Variants in VAC14 observed in about 807,000 individuals in gnomAD.
VAC14 encodes VAC14 component of PIKFYVE complex, also known as protein VAC14 homolog.
Under a neutral mutation model 85.3 loss-of-function variants are expected in VAC14, and 47 were observed. The observed-to-expected ratio is 0.55, with a 90% CI of 0.44 to 0.70. The LOEUF (loss-of-function observed/expected upper bound fraction) is 0.70. Ranked by LOEUF, VAC14 falls within the 30% of genes least tolerant of loss-of-function variation. The pLI, the probability that VAC14 is intolerant of heterozygous loss-of-function variation, is 0.00. For missense variants in VAC14, 861 were observed against 1,004.3 expected (o/e 0.86, Z 1.93); for synonymous variants, 447 against 430.5 (o/e 1.04, Z -0.47).
At chr16:70,713,709 G>T (rs79015637) in intron 14 of VAC14, among the ~76,000 whole-genome samples, 12,875 of 133,692 alleles carry the variant, frequency 0.096, 431 homozygotes, top group Middle Eastern at 0.13. Context: ...CTTTGTTTTT[G>T]TTTTTTTTTT....
intron 14 of VAC14, among the ~76,000 whole-genome samples, chr16:70,724,377 C>A (rs1023616375): frequency 1.3e-5 from 2 of 152,186 alleles, no homozygotes; most frequent in African/African-American, 4.8e-5. Flanking sequence ...TCCGATGGTT[C>A]TGTGAGGTGC....
intron 14 of VAC14, among the ~76,000 whole-genome samples, chr16:70,726,151 CCTTTCTA>C (rs2054421991): frequency 6.6e-6 from 1 of 152,252 alleles, no homozygotes; most frequent in Non-Finnish European, 1.5e-5. Context: ...TCCCTCCTCT[CCTTTCTA>C]CTGAGGATAA....
intron 1 of VAC14, among the ~76,000 whole-genome samples, chr16:70,792,351 A>G (rs2034377459): frequency 6.6e-6 from 1 of 152,198 alleles, no homozygotes; most frequent in South Asian, 2.1e-4. Flanking sequence ...TTTTGAAGTT[A>G]GTATCTGGCC....
chr16:70,693,953 G>A (rs1217540125), intron 17 of VAC14, among the ~76,000 whole-genome samples: 1 of 152,170 alleles, frequency 6.6e-6, no homozygotes, highest in Non-Finnish European at 1.5e-5. Context: ...GCCTGCTGGC[G>A]CCCTCCAGAA....
intron 14 of VAC14, among the ~76,000 whole-genome samples, chr16:70,730,594 C>CTTTTTTT (rs34654239): frequency 9.4e-6 from 1 of 106,546 alleles, no homozygotes; most frequent in Non-Finnish European, 1.8e-5. Flanking sequence ...GAGGCCCAGG[C>CTTTTTTT]TTTTTTTTTT....
chr16:70,702,860 C>G (rs1387161232), intron 14 of VAC14, among the ~76,000 whole-genome samples: 1 of 152,194 alleles, frequency 6.6e-6, no homozygotes, highest in Non-Finnish European at 1.5e-5. Flanking sequence ...GCACCTGGCA[C>G]TGGGCTCTGG....
At chr16:70,727,622 G>A (rs555916316) in intron 14 of VAC14, among the ~76,000 whole-genome samples, 38 of 152,354 alleles carry the variant, frequency 2.5e-4, no homozygotes, top group African/African-American at 9.1e-4. Context: ...ACAGGCATGA[G>A]CCACTGCACC....
chr16:70,692,797 CA>C, intron 18 of VAC14, 23 bp downstream of exon 18: 1 of 1,587,390 alleles, frequency 6.3e-7, no homozygotes, highest in African/African-American at 1.3e-5. Context: ...GGGGCGGGGG[CA>C]GCAGTCCCCA....
intron 13 of VAC14, among the ~76,000 whole-genome samples, chr16:70,732,048 A>G (rs916037994): frequency 3.4e-4 from 52 of 152,204 alleles, no homozygotes; most frequent in Admixed American, 3.3e-3. Context: ...AGGACAAACA[A>G]GAAGTCAAAG....
At chr16:70,721,965 G>C (rs2054305020) in intron 14 of VAC14, among the ~76,000 whole-genome samples, 1 of 152,164 alleles carries the variant, frequency 6.6e-6, no homozygotes. Context: ...GGGCACCTCA[G>C]CTCTGGGGTC....
chr16:70,713,081 A>G (rs1224621232), intron 14 of VAC14, among the ~76,000 whole-genome samples: 1 of 152,226 alleles, frequency 6.6e-6, no homozygotes, highest in Admixed American at 6.5e-5. Flanking sequence ...CGTATGTTTC[A>G]TCTAAAACCA....
At chr16:70,688,439 C>T in intron 18 of VAC14, 1 of 1,004,884 alleles carries the variant, frequency 1.0e-6, no homozygotes, top group Non-Finnish European at 1.2e-6. Flanking sequence ...GCCAGGAAGC[C>T]AGCTGGGGCC....
intron 12 of VAC14, among the ~76,000 whole-genome samples, chr16:70,753,011 GGTGTGTGTGT>G (rs372860764): frequency 4.9e-5 from 7 of 142,982 alleles, no homozygotes; most frequent in African/African-American, 1.6e-4. Context: ...AGGAGGAGGG[GGTGTGTGTGT>G]GTGTGTGTGT....
intron 14 of VAC14, among the ~76,000 whole-genome samples, chr16:70,710,334 C>G (rs566776301): frequency 1.4e-3 from 220 of 152,376 alleles, no homozygotes; most frequent in Non-Finnish European, 2.5e-3. Flanking sequence ...CCCCTTCACC[C>G]TGTGGCATGT....
At position 70,780,820 on chromosome 16, in the gene VAC14, C is replaced by A; in HGVS notation, c.1066G>T (p.Ala356Ser). 6.2e-7 allele frequency: 1 copy of A among 1,609,328 alleles called. No individual in the cohort carries two copies. The highest frequency in any genetic ancestry group is 8.5e-7 in the Non-Finnish European group (1 of 1,176,864). ...QRQAEPTPDD[A>S]LPKQEGTASG... is the part of the protein sequence containing the mutation. ...GCTGTGCCCTCCTGCTTTGGCAGGGCATCGTCAGGGGTGGGCTCTGCCTGC... is the reference window on the plus strand; with the variant it reads ...GCTGTGCCCTCCTGCTTTGGCAGGGAATCGTCAGGGGTGGGCTCTGCCTGC... The change falls in exon 9 of 19, where the codon GCC (alanine) becomes TCC (serine). Residue 356 changes from alanine (A) to serine (S), a missense_variant. By Grantham distance (99) the Ala-to-Ser change is moderately conservative. Around this residue, in one of 3 missense-constraint regions of VAC14, gnomAD observed 629 missense variants for 703.1 expected, o/e 0.89. Coordinates refer to ENST00000261776, the MANE Select transcript of VAC14 (RefSeq NM_018052.5).
chr16:70,751,024 G>A (rs1455349625), intron 12 of VAC14, among the ~76,000 whole-genome samples: 1 of 152,138 alleles, frequency 6.6e-6, no homozygotes, highest in African/African-American at 2.4e-5. Flanking sequence ...ATAAATACTT[G>A]CTGACCTGCA....
At chr16:70,742,138 TC>T (rs1488495102) in intron 13 of VAC14, among the ~76,000 whole-genome samples, 2 of 152,194 alleles carry the variant, frequency 1.3e-5, no homozygotes, top group Admixed American at 6.5e-5. Flanking sequence ...CCTGGCCCTG[TC>T]ACAAGGCTGT....
intron 14 of VAC14, among the ~76,000 whole-genome samples, chr16:70,718,253 C>A (rs948203283): frequency 1.1e-4 from 17 of 152,204 alleles, no homozygotes; most frequent in Admixed American, 3.9e-4. Flanking sequence ...TAGTGATGAT[C>A]CCCGTCTGCA....
chr16:70,793,446 A>AGG (rs1260651606), intron 1 of VAC14, among the ~76,000 whole-genome samples: 2 of 152,248 alleles, frequency 1.3e-5, no homozygotes, highest in Non-Finnish European at 1.5e-5. Flanking sequence ...AAGTCATGCA[A>AGG]GTTGTAGATG....
Sources: gnomAD v4.1 joint callset for allele counts (sites outside exome capture counted in the v4.1 genomes callset) on GRCh38, gnomAD v4.1.1 for gene constraint, gnomAD v4.1.1 regional missense constraint, MANE v1.5 for transcripts, NCBI Gene and HGNC (gene_info 2026-07-23, HGNC 2026-07-21) for gene names.